DEAF1: variants seen among roughly 807,000 people sequenced by gnomAD.
DEAF1 encodes DEAF1 transcription factor, also known as deformed epidermal autoregulatory factor 1 homolog.
Under a neutral mutation model 58.9 loss-of-function variants are expected in DEAF1, and 53 were observed. The observed-to-expected ratio is 0.90, with a 90% CI of 0.72 to 1.13. DEAF1 has a LOEUF of 1.13. DEAF1 is among the 50% of genes most tolerant of loss of function. The pLI, the probability that DEAF1 is intolerant of heterozygous loss-of-function variation, is 0.00. For synonymous variants in DEAF1, 385 were observed against 340.4 expected, an observed-to-expected ratio of 1.13 and a Z score of -1.44; for missense variants, 685 against 791.4, an observed-to-expected ratio of 0.87 and a Z score of 1.61.
intron 9 of DEAF1, 81 bp downstream of exon 9, chr11:678,613 C>T (rs1420438656): frequency 2.5e-6 from 4 of 1,600,350 alleles, no homozygotes; most frequent in Non-Finnish European, 3.4e-6. Context: ...CAAAATGAAT[C>T]CCATTTCACT....
chr11:681,663 G>A (rs1317881645), intron 6 of DEAF1, among the ~76,000 whole-genome samples: 1 of 151,890 alleles, frequency 6.6e-6, no homozygotes, highest in Non-Finnish European at 1.5e-5. Context: ...GCCCACCTCG[G>A]CCTCCCAAAG....
intron 11 of DEAF1, chr11:646,270 A>T: frequency 6.6e-6 from 1 of 151,802 alleles, no homozygotes; most frequent in East Asian, 1.9e-4. Context: ...AAAAAAAAAA[A>T]AAAATTAAAA....
At chr11:694,097 C>T (rs1860970133) in intron 1 of DEAF1, among the ~76,000 whole-genome samples, 1 of 152,160 alleles carries the variant, frequency 6.6e-6, no homozygotes, top group African/African-American at 2.4e-5. Flanking sequence ...CTGGTGACCA[C>T]AGGTGCCCAC....
chr11:664,417 A>G (rs1269558614), intron 10 of DEAF1, among the ~76,000 whole-genome samples: 2 of 151,878 alleles, frequency 1.3e-5, no homozygotes. Context: ...GACTCCAGCT[A>G]TTCACACCGA....
chr11:661,129 C>A (rs11246247), intron 10 of DEAF1, among the ~76,000 whole-genome samples: 2,774 of 152,264 alleles, frequency 0.018, 79 homozygotes, highest in African/African-American at 0.062. Flanking sequence ...AGCCTGAGAG[C>A]GAGCTACTAG....
chr11:686,469 T>C (rs751535509), intron 5 of DEAF1, among the ~76,000 whole-genome samples: 31 of 152,218 alleles, frequency 2.0e-4, no homozygotes, highest in Non-Finnish European at 3.1e-4. Flanking sequence ...AGAAGTCCTC[T>C]TTTCTTAGTA....
In DEAF1 at chr11:668,987, G is replaced by A. The variant is rs544532189; in HGVS notation, c.1503+5549C>T. Among the ~76,000 whole-genome samples the A allele has an allele frequency of 3.2e-4, 48 of 152,164 alleles. No homozygotes were observed. The South Asian group carries it at 4.8e-3, about 15-fold the overall frequency. Reference sequence around the variant, plus strand: ...ACTATAGGTGCCTGCCACCATGCCTGGCTAATGTTTTGTATTTTTAGTAGA... The same window carrying A: ...ACTATAGGTGCCTGCCACCATGCCTAGCTAATGTTTTGTATTTTTAGTAGA... On this transcript the variant is annotated intron_variant, in intron 10 of 11. Transcript: ENST00000382409.
At chr11:649,859 C>T (rs1564922130) in intron 11 of DEAF1, among the ~76,000 whole-genome samples, 2 of 150,482 alleles carry the variant, frequency 1.3e-5, no homozygotes, top group Non-Finnish European at 3.0e-5. Context: ...AACCCCATCT[C>T]TACTAAAAAC....
chr11:645,622 TTC>T (rs1307410529), intron 11 of DEAF1, among the ~76,000 whole-genome samples: 2 of 152,280 alleles, frequency 1.3e-5, no homozygotes, highest in South Asian at 4.1e-4. Flanking sequence ...CCCGCCCCAG[TTC>T]TGTTTTTAAT....
chr11:656,513 A>C (rs1859062413), intron 10 of DEAF1, among the ~76,000 whole-genome samples: 1 of 152,276 alleles, frequency 6.6e-6, no homozygotes, highest in Non-Finnish European at 1.5e-5. Context: ...GAAGGAGAAC[A>C]CAGCTTCTGC....
Position 694,852 on chromosome 11 carries a change from C to A in DEAF1, c.196G>T (p.Val66Leu). 2.0e-6 allele frequency: 3 copies of A among 1,490,768 alleles called. No homozygotes were observed. Among genetic ancestry groups the A allele is most frequent in the Non-Finnish European group, 2.7e-6 (3 of 1,125,080 alleles). 92.3% of individuals were successfully genotyped at this position (1,490,768 alleles called of 1,614,324 possible). A position where few individuals can be genotyped will look rare whatever the true frequency, so the allele number is the denominator to read the frequency against. ...AERETPRVTA[V>L]AVMAAEPGHM... Reference sequence around the variant, plus strand: ...CCGGGCTCCGCCGCCATCACCGCCACTGCCGTGACCCGCGGCGTCTCCCGC... The same window carrying A: ...CCGGGCTCCGCCGCCATCACCGCCAATGCCGTGACCCGCGGCGTCTCCCGC... The change falls in exon 1 of 12, where the codon GTG becomes TTG. Residue 66 changes from valine to leucine, a missense_variant. Val to Leu is a conservative substitution (Grantham distance 32, BLOSUM62 1). Transcript: ENST00000382409.
At chr11:700,008 G>T (rs1360939666), upstream of DEAF1, 47 of 667,802 alleles carry the variant, frequency 7.0e-5, no homozygotes, top group East Asian at 1.2e-3. Context: ...TAGGCAGTGA[G>T]CCATTGCCAA....
intron 10 of DEAF1, among the ~76,000 whole-genome samples, chr11:670,295 G>A (rs923685336): frequency 1.3e-5 from 2 of 151,578 alleles, no homozygotes; most frequent in Non-Finnish European, 2.9e-5. Context: ...CACAGTAAGT[G>A]TTCACGGTCA....
At chr11:703,483 G>C in intron 1 of DEAF1, 1 of 1,257,262 alleles carries the variant, frequency 8.0e-7, no homozygotes, top group Non-Finnish European at 1.0e-6. Context: ...GGCCCCCAGG[G>C]CCGAGAGGGA....
Position 685,154 on chromosome 11 carries a change from G to A in DEAF1, c.805-191C>T, listed in dbSNP as rs564704107. Among the ~76,000 whole-genome samples, 113 of 134,692 alleles carry A rather than the reference G, an allele frequency of 8.4e-4. 1 individual carries two copies. Among genetic ancestry groups the A allele is most frequent in the African/African-American group, 3.0e-3 (104 of 34,862 alleles). 88.4% of individuals were successfully genotyped at this position (134,692 alleles called of 152,430 possible). ...GGCTGGAGTGCAGTGGCACGTTCTC[G>A]GCTCAGTGCAACCTCTGCCTCCCCG... On this transcript the variant is annotated intron_variant, in intron 5 of 11. Coordinates refer to ENST00000382409, the MANE Select transcript of DEAF1 (RefSeq NM_021008.4).
chr11:689,815 T>TG (rs1286848472), intron 2 of DEAF1: 1 of 152,214 alleles, frequency 6.6e-6, no homozygotes, highest in Non-Finnish European at 1.5e-5. Context: ...CTTCCTGGCC[T>TG]GGAGGGGAGA....
At chr11:660,162 C>T (rs1859259699) in intron 10 of DEAF1, among the ~76,000 whole-genome samples, 1 of 152,184 alleles carries the variant, frequency 6.6e-6, no homozygotes, top group Non-Finnish European at 1.5e-5. Context: ...CTCGAGGAAG[C>T]AACGGAAATA....
At chr11:695,690 G>T, upstream of DEAF1, 1 of 1,243,308 alleles carries the variant, frequency 8.0e-7, no homozygotes, top group Non-Finnish European at 1.0e-6. Context: ...GGCCTCGGCC[G>T]TGGCTCGGAC....
At chr11:703,978 TCTC>T (rs1464991874) in intron 1 of DEAF1, 9 of 1,229,050 alleles carry the variant, frequency 7.3e-6, no homozygotes, top group Non-Finnish European at 1.0e-6. Context: ...TACTATCAGT[TCTC>T]CTTAAAAAGT....
Sources: gnomAD v4.1 joint callset for allele counts (sites outside exome capture counted in the v4.1 genomes callset) on GRCh38, gnomAD v4.1.1 for gene constraint, MANE v1.5 for transcripts, NCBI Gene and HGNC (gene_info 2026-07-23, HGNC 2026-07-21) for gene names.